Variants in SPTLC1 observed in about 807,000 individuals in gnomAD.
SPTLC1 encodes serine palmitoyltransferase 1.
In SPTLC1, 55 loss-of-function variants were observed where a neutral mutation model predicts 68.9. The ratio of observed to expected loss-of-function variants is 0.80; its 90% CI spans 0.64 to 1.00. SPTLC1 has a LOEUF of 1.00. SPTLC1 is among the 50% of genes least tolerant of loss of function. The probability of loss-of-function intolerance (pLI) is 0.00; values close to 1 mark genes in which losing one functional copy is unlikely to be tolerated. For missense variants in SPTLC1, 449 were observed against 573.1 expected (o/e 0.78, Z 2.21); for synonymous variants, 197 against 201.6 (o/e 0.98, Z 0.19).
chr9:92,061,794 T>C (rs1834112844), intron 6 of SPTLC1, among the ~76,000 whole-genome samples: 1 of 152,156 alleles, frequency 6.6e-6, no homozygotes, highest in Non-Finnish European at 1.5e-5. Flanking sequence ...AGTAGTCTAT[T>C]ATAATATATG....
At chr9:92,092,328 A>G (rs748911895) in intron 3 of SPTLC1, among the ~76,000 whole-genome samples, 4 of 152,214 alleles carry the variant, frequency 2.6e-5, no homozygotes, top group Non-Finnish European at 5.9e-5. Flanking sequence ...CATAGCAATA[A>G]ATTATAAATT....
chr9:92,049,831 C>T, intron 9 of SPTLC1, 129 bp downstream of exon 9: 1 of 747,228 alleles, frequency 1.3e-6, no homozygotes, highest in Non-Finnish European at 2.4e-6. Context: ...AGGTGACAGA[C>T]ACCAAAGTTT....
chr9:92,056,225 A>G (rs553747418), intron 7 of SPTLC1, among the ~76,000 whole-genome samples: 1 of 152,124 alleles, frequency 6.6e-6, no homozygotes, highest in Non-Finnish European at 1.5e-5. Flanking sequence ...GTGGTGGGGT[A>G]GAGAGGTCTC....
chr9:92,083,279 C>G (rs903881658), intron 3 of SPTLC1, among the ~76,000 whole-genome samples: 1 of 152,152 alleles, frequency 6.6e-6, no homozygotes, highest in African/African-American at 2.4e-5. Context: ...CTTTTGTTGC[C>G]ATTACTTTTG....
intron 6 of SPTLC1, among the ~76,000 whole-genome samples, chr9:92,060,969 A>G (rs1834079598): frequency 6.6e-6 from 1 of 152,028 alleles, no homozygotes; most frequent in East Asian, 1.9e-4. Context: ...CAGGAAGAAA[A>G]TAGACTAGAA....
chr9:92,068,002 A>G lies in SPTLC1; in HGVS notation c.524T>C (p.Ile175Thr), dbSNP rs747649997. Reference protein sequence around the residue: ...SYGFATIASAIPAYSKRGDIV... With the variant: ...SYGFATIASATPAYSKRGDIV... ...GTCCCCTCTTTTAGAGTAAGCAGGA[A>G]TAGCACTGGCTATGGTGGCAAATCC... Residue 175 changes from isoleucine (I) to threonine (T), a missense_variant, in exon 6 of 15, where the codon ATT (isoleucine) becomes ACT (threonine). Around this residue, in one of 3 missense-constraint regions of SPTLC1, gnomAD observed 391 missense variants for 472.1 expected, o/e 0.83. Coordinates refer to ENST00000262554, the MANE Select transcript of SPTLC1 (RefSeq NM_006415.4). 1.9e-6 allele frequency: 3 copies of G among 1,614,160 alleles called. No homozygotes were observed. Among genetic ancestry groups the G allele is most frequent in the Non-Finnish European group, 2.5e-6 (3 of 1,180,016 alleles).
At chr9:92,054,257 G>C (rs533415111) in intron 8 of SPTLC1, among the ~76,000 whole-genome samples, 95 of 152,106 alleles carry the variant, frequency 6.2e-4, no homozygotes, top group African/African-American at 2.3e-3. Flanking sequence ...CTCCAGCCTG[G>C]GCAACATAAG....
chr9:92,045,894 G>A (rs1833496562), intron 12 of SPTLC1, 105 bp downstream of exon 12: 2 of 1,017,006 alleles, frequency 2.0e-6, no homozygotes, highest in Admixed American at 2.1e-5. Context: ...TTTCTTAGCT[G>A]CAATCTGGTC....
rs1424063845 is a variant in SPTLC1, at chr9:92,032,104, T to C, written c.*361A>G. The C allele has an allele frequency of 4.9e-6, 3 of 614,886 alleles. No individual in the cohort carries two copies. In the East Asian group the frequency reaches 8.4e-5, roughly 17 times the overall value. The allele number at this position is 614,886 out of a possible 1,614,324, so 38.1% of individuals were successfully genotyped here. A position where few individuals can be genotyped will look rare whatever the true frequency, so the allele number is the denominator to read the frequency against. Reference sequence around the variant, plus strand: ...TAAGGAGTGCTTACTGAACCATTACTATTAGAGGGAGGGAAGAGACACTGA... The same window carrying C: ...TAAGGAGTGCTTACTGAACCATTACCATTAGAGGGAGGGAAGAGACACTGA... On this transcript the variant is annotated 3_prime_UTR_variant, in exon 15 of 15. Coordinates refer to ENST00000262554, the MANE Select transcript of SPTLC1 (RefSeq NM_006415.4).
chr9:92,092,067 CTCTT>C (rs1390383835), intron 3 of SPTLC1, among the ~76,000 whole-genome samples: 9 of 152,322 alleles, frequency 5.9e-5, no homozygotes, highest in African/African-American at 2.2e-4. Flanking sequence ...TTTATACTGT[CTCTT>C]TCTTTCTCAT....
intron 3 of SPTLC1, among the ~76,000 whole-genome samples, chr9:92,088,142 C>G (rs58402855): frequency 6.6e-6 from 1 of 152,188 alleles, no homozygotes; most frequent in African/African-American, 2.4e-5. Context: ...TTTCAGGTGC[C>G]GTCTGTCACC....
intron 3 of SPTLC1, chr9:92,105,320 C>T (rs1464493428): frequency 1.1e-5 from 17 of 1,526,832 alleles, no homozygotes; most frequent in East Asian, 9.8e-5. Context: ...AAGAGAAGGA[C>T]GCCTCCAGCA....
intron 5 of SPTLC1, among the ~76,000 whole-genome samples, chr9:92,068,875 ATCT>A (rs1834383332): frequency 1.3e-5 from 2 of 152,194 alleles, no homozygotes; most frequent in Non-Finnish European, 2.9e-5. Context: ...CCAGCTTAGA[ATCT>A]TAAAACTTTA....
intron 12 of SPTLC1, among the ~76,000 whole-genome samples, chr9:92,044,819 T>TA (rs1564084138): frequency 1.3e-5 from 2 of 152,036 alleles, no homozygotes; most frequent in African/African-American, 4.8e-5. Flanking sequence ...AGTGACAGCA[T>TA]AAGGCCAGGC....
chr9:92,078,136 T>C (rs1369990246), intron 5 of SPTLC1, among the ~76,000 whole-genome samples: 2 of 152,026 alleles, frequency 1.3e-5, no homozygotes, highest in African/African-American at 4.8e-5. Flanking sequence ...CCAAACAACT[T>C]CTTTACTTCC....
intron 8 of SPTLC1, among the ~76,000 whole-genome samples, chr9:92,051,883 G>C (rs1833715407): frequency 6.6e-6 from 1 of 152,122 alleles, no homozygotes; most frequent in African/African-American, 2.4e-5. Context: ...CAAATACTTA[G>C]TGATAAATTT....
At chr9:92,105,386 C>G in intron 3 of SPTLC1, 1 of 1,499,400 alleles carries the variant, frequency 6.7e-7, no homozygotes, top group Non-Finnish European at 9.0e-7. Context: ...ATTCAGGAGA[C>G]TAAGAGAGCT....
intron 3 of SPTLC1, among the ~76,000 whole-genome samples, chr9:92,084,492 A>AGAT (rs1188688050): frequency 1.3e-5 from 2 of 152,212 alleles, no homozygotes; most frequent in Admixed American, 1.3e-4. Flanking sequence ...GCATCTATTG[A>AGAT]GATAATCATG....
intron 9 of SPTLC1, among the ~76,000 whole-genome samples, chr9:92,048,891 G>A (rs1433865391): frequency 2.0e-5 from 3 of 152,114 alleles, no homozygotes; most frequent in East Asian, 3.9e-4. Context: ...ACTCTCAGGC[G>A]CTTGTGAGTA....
Sources: allele counts gnomAD v4.1 joint callset (sites outside exome capture counted in the v4.1 genomes callset), GRCh38; gene constraint gnomAD v4.1.1; regional missense constraint gnomAD v4.1.1; transcripts MANE v1.5; gene names NCBI Gene and HGNC (gene_info 2026-07-23, HGNC 2026-07-21).